The following XKR9 variants were observed in gnomAD, a reference collection of about 807,000 sequenced individuals.
The protein encoded by XKR9 is XK-related protein 9.
In XKR9, 32 loss-of-function variants were observed where a neutral mutation model predicts 32.0. The ratio of observed to expected loss-of-function variants is 1.00; its 90% CI spans 0.76 to 1.34. The LOEUF (loss-of-function observed/expected upper bound fraction) is 1.34. Among genes scored for constraint, XKR9 ranks in the 40% most tolerant of loss-of-function variants. The pLI is 0.00. For missense variants in XKR9, 546 were observed against 429.7 expected, an observed-to-expected ratio of 1.27 and a Z score of -2.39; for synonymous variants, 168 against 143.4, an observed-to-expected ratio of 1.17 and a Z score of -1.22.
chr8:71,046,654 C>T, the XKR9 span, among the ~76,000 whole-genome samples: 35 of 152,224 alleles, frequency 2.3e-4, 1 homozygote, highest in African/African-American at 8.2e-4. Context: ...CAATTAGTTA[C>T]CTGTATGGTT....
chr8:70,848,895 GCTAT>G, the XKR9 span, among the ~76,000 whole-genome samples: 1 of 151,896 alleles, frequency 6.6e-6, no homozygotes, highest in Non-Finnish European at 1.5e-5. Context: ...AACGAGAAAA[GCTAT>G]CTATCCTAAA....
At chr8:70,855,227 C>T in the XKR9 span, among the ~76,000 whole-genome samples, 32 of 150,074 alleles carry the variant, frequency 2.1e-4, no homozygotes, top group Non-Finnish European at 1.5e-5. Context: ...TTAAGAACCT[C>T]AAAAAAAAAT....
At chr8:70,914,691 G>C in the XKR9 span, among the ~76,000 whole-genome samples, 2 of 151,972 alleles carry the variant, frequency 1.3e-5, no homozygotes, top group Non-Finnish European at 2.9e-5. Context: ...CTTCCTTAAC[G>C]GTGTCTTTTA....
At chr8:70,675,024 C>T (rs1446008419) in intron 2 of XKR9, 125 bp downstream of exon 2, 17 of 152,168 alleles carry the variant, frequency 1.1e-4, no homozygotes, top group Admixed American at 7.9e-4. Context: ...TATTTCGGCT[C>T]GCAGCCAGGT....
the XKR9 span, among the ~76,000 whole-genome samples, chr8:70,978,244 A>G: frequency 4.6e-5 from 7 of 151,746 alleles, no homozygotes; most frequent in African/African-American, 1.7e-4. Context: ...ATTTAAGGTT[A>G]GTATTGTTAT....
the XKR9 span, among the ~76,000 whole-genome samples, chr8:70,883,394 G>T: frequency 6.6e-6 from 1 of 151,954 alleles, no homozygotes; most frequent in Non-Finnish European, 1.5e-5. Flanking sequence ...AGACTCTTAG[G>T]TTGGTTTCAT....
chr8:70,887,039 G>A, the XKR9 span, among the ~76,000 whole-genome samples: 3 of 151,964 alleles, frequency 2.0e-5, no homozygotes, highest in East Asian at 1.9e-4. Context: ...TTCCTTCCAG[G>A]GTTTTTATAG....
chr8:70,764,936 G>A (rs1436977410), intron 2 of XKR9, among the ~76,000 whole-genome samples: 2 of 152,054 alleles, frequency 1.3e-5, no homozygotes, highest in Admixed American at 1.3e-4. Context: ...CTTTTTCTAT[G>A]GCTGAATAGT....
rs187451211 is a variant in XKR9, at chr8:70,727,645, G to A, written c.494-6151G>A. On this transcript the variant is annotated intron_variant, in intron 4 of 4. Coordinates refer to ENST00000408926, the MANE Select transcript of XKR9 (RefSeq NM_001011720.2). ...GAACTCCTTACCTCATGATCTGCCC[G>A]CCTCGGCCTCCCAAAGTGCTGGGAT... Among the ~76,000 whole-genome samples, 891 of 151,890 alleles carry A rather than the reference G, an allele frequency of 5.9e-3. 11 individuals are homozygous for A. The highest frequency in any genetic ancestry group is 0.02 in the African/African-American group (844 of 41,398).
At chr8:70,936,473 C>G in the XKR9 span, among the ~76,000 whole-genome samples, 1 of 151,986 alleles carries the variant, frequency 6.6e-6, no homozygotes, top group Non-Finnish European at 1.5e-5. Flanking sequence ...TTCATGAACT[C>G]TCTGTGGGAG....
the XKR9 span, among the ~76,000 whole-genome samples, chr8:70,968,033 C>A: frequency 6.6e-6 from 1 of 152,266 alleles, no homozygotes; most frequent in East Asian, 1.9e-4. Flanking sequence ...AGCATGTTCT[C>A]CAACTTGGTT....
chr8:70,738,868 C>G (rs560271411), downstream of XKR9, among the ~76,000 whole-genome samples: 101 of 152,196 alleles, frequency 6.6e-4, no homozygotes, highest in African/African-American at 3.9e-4. Context: ...TTTACATTTG[C>G]TGAGGAGAGC....
the XKR9 span, among the ~76,000 whole-genome samples, chr8:70,903,775 T>C: frequency 6.6e-6 from 1 of 152,208 alleles, no homozygotes; most frequent in Non-Finnish European, 1.5e-5. Context: ...TGTGGGCATT[T>C]AGTGCTATAA....
the XKR9 span, among the ~76,000 whole-genome samples, chr8:70,797,626 T>G: frequency 6.6e-6 from 1 of 152,034 alleles, no homozygotes; most frequent in Non-Finnish European, 1.5e-5. Flanking sequence ...TAGGTAGATT[T>G]TGTGTCATGG....
At chr8:70,730,577 A>AT (rs544515803) in intron 4 of XKR9, among the ~76,000 whole-genome samples, 12,905 of 132,956 alleles carry the variant, frequency 0.097, 619 homozygotes, top group Non-Finnish European at 0.11. Context: ...GATGGTAAGC[A>AT]TTTTTTTTTT....
At chr8:70,871,469 A>G in the XKR9 span, among the ~76,000 whole-genome samples, 1 of 152,158 alleles carries the variant, frequency 6.6e-6, no homozygotes, top group Non-Finnish European at 1.5e-5. Flanking sequence ...AATTCTCATA[A>G]TATTTCAAAC....
At chr8:70,882,970 C>G in the XKR9 span, among the ~76,000 whole-genome samples, 1 of 150,764 alleles carries the variant, frequency 6.6e-6, no homozygotes, top group South Asian at 2.1e-4. Flanking sequence ...TCTTTTATTT[C>G]TTCTATGTTG....
the XKR9 span, among the ~76,000 whole-genome samples, chr8:70,880,700 A>G: frequency 1.3e-5 from 2 of 152,272 alleles, no homozygotes; most frequent in African/African-American, 4.8e-5. Flanking sequence ...TACTGCCCAA[A>G]GTAATTTATA....
At chr8:70,844,278 G>T in the XKR9 span, among the ~76,000 whole-genome samples, 2 of 152,190 alleles carry the variant, frequency 1.3e-5, no homozygotes, top group South Asian at 2.1e-4. Flanking sequence ...TAGCATCAGG[G>T]TTGCCACCAT....
Sources: gnomAD v4.1 joint callset for allele counts (sites outside exome capture counted in the v4.1 genomes callset) on GRCh38, gnomAD v4.1.1 for gene constraint, MANE v1.5 for transcripts, NCBI Gene and HGNC (gene_info 2026-07-23, HGNC 2026-07-21) for gene names.